The following AFF1 variants were observed in gnomAD, a reference collection of about 807,000 sequenced individuals.
AFF1 encodes the protein ALF transcription elongation factor 1, also known as AF4/FMR2 family member 1.
Under a neutral mutation model 121.7 loss-of-function variants are expected in AFF1, and 48 were observed. The observed-to-expected ratio is 0.39, with a 90% CI of 0.31 to 0.50. AFF1 has a LOEUF of 0.50. Among genes scored for constraint, AFF1 ranks in the 20% least tolerant of loss-of-function variants. The pLI, the probability that AFF1 is intolerant of heterozygous loss-of-function variation, is 0.76. For synonymous variants in AFF1, 613 were observed against 563.0 expected (o/e 1.09, Z -1.26); for missense variants, 1,523 against 1,511.7 (o/e 1.01, Z -0.12).
intron 2 of AFF1, among the ~76,000 whole-genome samples, chr4:87,014,474 G>A (rs973324436): frequency 2.6e-5 from 4 of 152,226 alleles, no homozygotes; most frequent in Admixed American, 6.5e-5. Flanking sequence ...ATTTTAAATG[G>A]AACTCCTACT....
intron 2 of AFF1, among the ~76,000 whole-genome samples, chr4:86,966,898 T>A (rs1046706759): frequency 6.6e-6 from 1 of 152,214 alleles, no homozygotes; most frequent in Non-Finnish European, 1.5e-5. Flanking sequence ...TCCCTTAGTG[T>A]GGTGTTCAAG....
chr4:86,976,698 C>T (rs1723328064), intron 2 of AFF1, among the ~76,000 whole-genome samples: 1 of 152,188 alleles, frequency 6.6e-6, no homozygotes, highest in African/African-American at 2.4e-5. Context: ...GTGCACCAAG[C>T]TCCCACAACA....
intron 7 of AFF1, among the ~76,000 whole-genome samples, chr4:87,094,497 G>C (rs894168835): frequency 6.6e-6 from 1 of 152,156 alleles, no homozygotes; most frequent in Non-Finnish European, 1.5e-5. Flanking sequence ...AGGGACAGGT[G>C]GGATGGAGAG....
intron 4 of AFF1, among the ~76,000 whole-genome samples, chr4:87,067,692 C>T (rs1232968373): frequency 6.6e-6 from 1 of 152,192 alleles, no homozygotes; most frequent in Non-Finnish European, 1.5e-5. Flanking sequence ...AAAAGGTCAG[C>T]TTACCCTTTG....
chr4:87,134,306 G>C (rs760304459), intron 19 of AFF1, among the ~76,000 whole-genome samples, 165 bp from the exon 20 acceptor site: 1 of 152,196 alleles, frequency 6.6e-6, no homozygotes, highest in East Asian at 1.9e-4. Flanking sequence ...AGCCCAGCAG[G>C]GTGTCTCGTT....
chr4:87,046,126 A>C, intron 2 of AFF1, 40 bp from the exon 3 acceptor site: 3 of 1,607,236 alleles, frequency 1.9e-6, no homozygotes, highest in Middle Eastern at 1.7e-4. Context: ...GGAGACTGAT[A>C]AATTTTATTG....
intron 4 of AFF1, among the ~76,000 whole-genome samples, chr4:87,067,311 C>T (rs1944627094): frequency 1.3e-5 from 2 of 152,222 alleles, no homozygotes; most frequent in African/African-American, 2.4e-5. Flanking sequence ...GAATCTTGCT[C>T]ATAAGCACCT....
Position 87,049,203 on chromosome 4 carries a change from G to A in AFF1, c.1059+1609G>A, listed in dbSNP as rs534550535. Among the ~76,000 whole-genome samples, 4 of 151,770 alleles carry A rather than the reference G, an allele frequency of 2.6e-5. No homozygotes were observed. In the South Asian group the frequency reaches 8.3e-4, roughly 32 times the overall value. On this transcript the variant is annotated intron_variant, in intron 4 of 20. Transcript: ENST00000395146. The stretch of plus-strand genomic sequence containing the variant: ...CAAATATTTGCATTGTCTACCAAAT[G>A]CCCAACCATATGCTTAAGTGCAAGA...
At position 87,001,813 on chromosome 4, in the gene AFF1, TCTC is replaced by T. The variant is rs1467330188; in HGVS notation, c.39-44348_39-44346del. Among the ~76,000 whole-genome samples, 12 of 152,316 alleles carry T rather than the reference TCTC, an allele frequency of 7.9e-5. No individual in the cohort carries two copies. In the East Asian group the frequency reaches 9.7e-4, roughly 12 times the overall value. Reference sequence around the variant, plus strand: ...CCTTCTGGGTAATGCCTGTTTTTATTCTCCTCCATTATCTCCTCCCTCTTCCTG... The same window carrying T: ...CCTTCTGGGTAATGCCTGTTTTTATTCTCCATTATCTCCTCCCTCTTCCTG... On this transcript the variant is annotated intron_variant, in intron 2 of 20. Coordinates refer to ENST00000395146, the MANE Select transcript of AFF1 (RefSeq NM_001166693.3).
chr4:87,127,268 C>T (rs1728372533), intron 15 of AFF1, 151 bp downstream of exon 15: 6 of 688,444 alleles, frequency 8.7e-6, no homozygotes, highest in South Asian at 3.5e-5. Context: ...TCAAGTGATT[C>T]TCCTGCCTCA....
chr4:86,982,514 G>T (rs755954396), intron 2 of AFF1, among the ~76,000 whole-genome samples: 1 of 146,370 alleles, frequency 6.8e-6, no homozygotes, highest in Non-Finnish European at 1.5e-5. Context: ...GCCTTTGATG[G>T]TGATTAGGTC....
At chr4:87,024,820 C>G (rs961728915) in intron 2 of AFF1, among the ~76,000 whole-genome samples, 11 of 152,198 alleles carry the variant, frequency 7.2e-5, no homozygotes, top group African/African-American at 2.4e-4. Context: ...TCTCAAGCTC[C>G]TGGACTCAAG....
At chr4:87,106,479 T>C (rs1725925386) in intron 10 of AFF1, among the ~76,000 whole-genome samples, 1 of 152,244 alleles carries the variant, frequency 6.6e-6, no homozygotes, top group Admixed American at 6.5e-5. Flanking sequence ...AGTGTTTTAA[T>C]GGAGGTAACA....
At chr4:87,033,502 C>T (rs2149587201) in intron 2 of AFF1, among the ~76,000 whole-genome samples, 1 of 152,242 alleles carries the variant, frequency 6.6e-6, no homozygotes, top group East Asian at 1.9e-4. Context: ...ATAGAATGTA[C>T]CTCATTCAGT....
intron 14 of AFF1, 24 bp from the exon 15 acceptor site, chr4:87,127,002 T>G (rs1423132167): frequency 3.8e-6 from 6 of 1,593,980 alleles, no homozygotes; most frequent in Non-Finnish European, 5.2e-6. Flanking sequence ...GAGTGTAATC[T>G]GTATATTGAT....
At chr4:87,094,382 G>GCT (rs1724615022) in intron 7 of AFF1, among the ~76,000 whole-genome samples, 1 of 152,188 alleles carries the variant, frequency 6.6e-6, no homozygotes, top group African/African-American at 2.4e-5. Context: ...TCAACAGTGA[G>GCT]CTCTCTGAGG....
intron 11 of AFF1, among the ~76,000 whole-genome samples, chr4:87,109,872 T>C (rs949445256): frequency 2.6e-4 from 40 of 152,256 alleles, no homozygotes; most frequent in African/African-American, 4.8e-5. Context: ...AGTATTGTTA[T>C]GTATTGCAGA....
intron 12 of AFF1, among the ~76,000 whole-genome samples, chr4:87,123,361 TC>T (rs1727910315): frequency 6.6e-6 from 1 of 152,170 alleles, no homozygotes; most frequent in African/African-American, 2.4e-5. Context: ...GTTCAGGTGC[TC>T]CCTAGATGTG....
Position 87,086,486 on chromosome 4 carries a change from G to A in AFF1, c.1104+2322G>A, listed in dbSNP as rs117673683. On this transcript the variant is annotated intron_variant, in intron 5 of 20. Transcript: ENST00000395146. ...TACCTCGAAATGCTTGAGAGAGAGTGGTTAATGTATAAATCATGCCCATTT... is the reference window on the plus strand; with the variant it reads ...TACCTCGAAATGCTTGAGAGAGAGTAGTTAATGTATAAATCATGCCCATTT... Among the ~76,000 whole-genome samples, 8 of 152,264 alleles carry A rather than the reference G, an allele frequency of 5.3e-5. No homozygotes were observed. In the East Asian group the frequency reaches 1.5e-3, roughly 29 times the overall value.
Sources: gnomAD v4.1 joint callset for allele counts (sites outside exome capture counted in the v4.1 genomes callset) on GRCh38, gnomAD v4.1.1 for gene constraint, MANE v1.5 for transcripts, NCBI Gene and HGNC (gene_info 2026-07-23, HGNC 2026-07-21) for gene names.